Variants in UNC5D observed in about 807,000 individuals in gnomAD.
UNC5D encodes netrin receptor UNC5D.
UNC5D carries 39 observed loss-of-function variants against 105.4 expected under a neutral mutation model. The observed-to-expected ratio is 0.37, with a 90% CI of 0.29 to 0.48. The LOEUF (loss-of-function observed/expected upper bound fraction) is 0.48. Ranked by LOEUF, UNC5D falls within the 20% of genes least tolerant of loss-of-function variation. UNC5D has a pLI of 0.98. For synonymous variants in UNC5D, 452 were observed against 450.4 expected (o/e 1.00, Z -0.04); for missense variants, 991 against 1,202.4 (o/e 0.82, Z 2.60).
At chr8:35,273,264 G>A (rs371752913) in intron 1 of UNC5D, among the ~76,000 whole-genome samples, 17 of 152,324 alleles carry the variant, frequency 1.1e-4, no homozygotes, top group East Asian at 7.7e-4. Context: ...TAATCAACTA[G>A]AGTCAATTAA....
chr8:35,403,410 T>C (rs1235993613), intron 1 of UNC5D, among the ~76,000 whole-genome samples: 1 of 152,188 alleles, frequency 6.6e-6, no homozygotes, highest in Non-Finnish European at 1.5e-5. Context: ...TTGTGATGCA[T>C]AGACTGTGAG....
chr8:35,612,346 T>C (rs563977260), intron 4 of UNC5D, among the ~76,000 whole-genome samples: 2 of 152,280 alleles, frequency 1.3e-5, no homozygotes, highest in African/African-American at 4.8e-5. Context: ...TGAAAGAATG[T>C]ATTTTTTGTA....
At chr8:35,321,222 A>G (rs1055476600) in intron 1 of UNC5D, among the ~76,000 whole-genome samples, 1 of 152,192 alleles carries the variant, frequency 6.6e-6, no homozygotes, top group African/African-American at 2.4e-5. Flanking sequence ...GACAAAAACT[A>G]TCATACAGCT....
chr8:35,236,278 A>C (rs2128796333), intron 1 of UNC5D, among the ~76,000 whole-genome samples: 1 of 152,252 alleles, frequency 6.6e-6, no homozygotes, highest in African/African-American at 2.4e-5. Flanking sequence ...GATGTCGGAG[A>C]GTTCCTGGGG....
intron 3 of UNC5D, among the ~76,000 whole-genome samples, chr8:35,573,603 GTTTAAAAACCAT>G (rs1181250199): frequency 6.6e-6 from 1 of 152,188 alleles, no homozygotes; most frequent in Non-Finnish European, 1.5e-5. Context: ...TTACGTGGGA[GTTTAAAAACCAT>G]AATAGAAAAA....
In UNC5D at chr8:35,680,238, T is replaced by C. The variant is rs893027956; in HGVS notation, c.571-3309T>C. ...GTAAAATGTTCTCTGGTCTGCACTC[T>C]CAATAAAAAACAAACAAATCACTAA... On this transcript the variant is annotated intron_variant, in intron 4 of 16. Transcript: ENST00000404895. Among the ~76,000 whole-genome samples the C allele has an allele frequency of 5.3e-5, 8 of 152,286 alleles. No individual in the cohort carries two copies. The East Asian group carries it at 1.5e-3, about 29-fold the overall frequency.
At chr8:35,576,904 C>T (rs573716749) in intron 3 of UNC5D, among the ~76,000 whole-genome samples, 2 of 152,230 alleles carry the variant, frequency 1.3e-5, no homozygotes, top group East Asian at 1.9e-4. Flanking sequence ...TGAGCCACCG[C>T]GCCTGGCAAC....
chr8:35,245,332 G>A (rs1007739499), intron 1 of UNC5D, among the ~76,000 whole-genome samples: 3 of 151,996 alleles, frequency 2.0e-5, no homozygotes, highest in African/African-American at 7.3e-5. Flanking sequence ...CTTTGCCAGA[G>A]AACTATAACT....
At chr8:35,599,856 G>C (rs1015171431) in intron 4 of UNC5D, among the ~76,000 whole-genome samples, 8 of 152,050 alleles carry the variant, frequency 5.3e-5, no homozygotes, top group African/African-American at 1.9e-4. Flanking sequence ...CAACGTGCAG[G>C]TTAGTTACAT....
intron 8 of UNC5D, among the ~76,000 whole-genome samples, chr8:35,708,197 C>T (rs1346638888): frequency 6.6e-6 from 1 of 152,174 alleles, no homozygotes; most frequent in East Asian, 1.9e-4. Context: ...GCACAGAGTG[C>T]TCCATGAGCA....
chr8:35,500,084 T>C (rs1811868213), intron 1 of UNC5D, among the ~76,000 whole-genome samples: 1 of 152,256 alleles, frequency 6.6e-6, no homozygotes, highest in African/African-American at 2.4e-5. Flanking sequence ...GATTTCATAT[T>C]TGAATGACAT....
chr8:35,483,869 C>G (rs925242374), intron 1 of UNC5D, among the ~76,000 whole-genome samples: 1 of 152,066 alleles, frequency 6.6e-6, no homozygotes, highest in East Asian at 1.9e-4. Context: ...TTTCTTTAGG[C>G]AGTCACTTAG....
Position 35,397,835 on chromosome 8 carries a change from A to T in UNC5D, c.104-151457A>T, listed in dbSNP as rs866671183. On this transcript the variant is annotated intron_variant, in intron 1 of 16. Coordinates refer to ENST00000404895, the MANE Select transcript of UNC5D (RefSeq NM_080872.4). ...ACCAAGAGCCTGAGACTTTTTCTTG[A>T]TTTAAAAATTGGATGTTACTCCTTT... Among the ~76,000 whole-genome samples the T allele has an allele frequency of 7.2e-5, 11 of 152,192 alleles. 2 individuals carry two copies. In the South Asian group the frequency reaches 2.1e-3, roughly 29 times the overall value.
In UNC5D at chr8:35,730,869, C is replaced by A. The variant is rs79816854; in HGVS notation, c.1682-143C>A. 9.3e-5 allele frequency: 62 copies of A among 664,958 alleles called. No homozygotes were observed. In the South Asian group the frequency reaches 1.3e-3, roughly 14 times the overall value. 41.2% of individuals were successfully genotyped at this position (664,958 alleles called of 1,614,324 possible). On this transcript the variant is annotated intron_variant, in intron 10 of 16. Transcript: ENST00000404895. ...ATGTTTTTCCTGTTATAATCTTGAA[C>A]CTTAAACTTTCCAAGGATTGAGATT...
chr8:35,628,639 A>G (rs1188489976), intron 4 of UNC5D, among the ~76,000 whole-genome samples: 1 of 152,232 alleles, frequency 6.6e-6, no homozygotes, highest in Non-Finnish European at 1.5e-5. Flanking sequence ...TGTTTTCAGA[A>G]ATGGATTAGG....
At chr8:35,263,402 T>A (rs1328978043) in intron 1 of UNC5D, among the ~76,000 whole-genome samples, 10 of 152,198 alleles carry the variant, frequency 6.6e-5, no homozygotes, top group African/African-American at 2.2e-4. Context: ...TTTTTCTTAA[T>A]TAAAAGCATT....
intron 1 of UNC5D, among the ~76,000 whole-genome samples, chr8:35,249,746 T>A (rs1344966715): frequency 6.6e-6 from 1 of 152,088 alleles, no homozygotes; most frequent in Non-Finnish European, 1.5e-5. Context: ...GCCTCTATTA[T>A]GATGATTCAT....
intron 1 of UNC5D, among the ~76,000 whole-genome samples, chr8:35,404,292 A>G (rs904367611): frequency 2.0e-5 from 3 of 152,178 alleles, no homozygotes; most frequent in African/African-American, 7.2e-5. Flanking sequence ...CAAGAAAGCC[A>G]TTGAAGGGTT....
intron 1 of UNC5D, among the ~76,000 whole-genome samples, chr8:35,540,991 ACT>A (rs962167463): frequency 3.0e-4 from 45 of 152,228 alleles, no homozygotes; most frequent in African/African-American, 1.0e-3. Context: ...TCTAGTGGTT[ACT>A]CTGTGTCTGC....
Sources: allele counts gnomAD v4.1 joint callset (sites outside exome capture counted in the v4.1 genomes callset), GRCh38; gene constraint gnomAD v4.1.1; transcripts MANE v1.5; gene names NCBI Gene and HGNC (gene_info 2026-07-23, HGNC 2026-07-21).